NME7: variants seen among roughly 807,000 people sequenced by gnomAD.
The protein encoded by NME7 is nucleoside diphosphate kinase 7.
A neutral mutation model predicts 49.1 loss-of-function variants in NME7; 41 were observed. The ratio of observed to expected loss-of-function variants is 0.83; its 90% CI spans 0.65 to 1.08. NME7 has a LOEUF of 1.08. Ranked by LOEUF, NME7 falls within the 50% of genes least tolerant of loss-of-function variation. The pLI, the probability that NME7 is intolerant of heterozygous loss-of-function variation, is 0.00. For synonymous variants in NME7, 139 were observed against 150.6 expected (o/e 0.92, Z 0.56); for missense variants, 423 against 463.4 (o/e 0.91, Z 0.80).
chr1:169,165,729 G>A (rs1443491576), intron 11 of NME7, among the ~76,000 whole-genome samples: 2 of 152,144 alleles, frequency 1.3e-5, no homozygotes, highest in African/African-American at 4.8e-5. Context: ...TGGCCTTTAT[G>A]TATTTTCATA....
At chr1:169,354,305 G>A (rs1178484226) in intron 1 of NME7, among the ~76,000 whole-genome samples, 2 of 152,000 alleles carry the variant, frequency 1.3e-5, no homozygotes, top group African/African-American at 2.4e-5. Flanking sequence ...AACATTGCAC[G>A]TTCTCCCTTA....
At chr1:169,253,664 G>A (rs1043843727) in intron 7 of NME7, among the ~76,000 whole-genome samples, 37 of 152,180 alleles carry the variant, frequency 2.4e-4, no homozygotes, top group Non-Finnish European at 4.7e-4. Flanking sequence ...AATGCTTCTA[G>A]TTTTTGCCCA....
At chr1:169,352,796 T>A (rs1289093609) in intron 1 of NME7, among the ~76,000 whole-genome samples, 1 of 152,030 alleles carries the variant, frequency 6.6e-6, no homozygotes, top group Admixed American at 6.6e-5. Flanking sequence ...TTTTTTAAGT[T>A]ATCCTATTTA....
chr1:169,271,661 A>G lies in NME7; in HGVS notation c.754+15642T>C, dbSNP rs1023411019. Among the ~76,000 whole-genome samples the G allele has an allele frequency of 3.7e-5, 5 of 133,724 alleles. 2 individuals are homozygous for G. The highest frequency in any genetic ancestry group is 1.3e-4 in the African/African-American group (5 of 39,504). 87.7% of individuals were successfully genotyped at this position (133,724 alleles called of 152,430 possible). A position where few individuals can be genotyped will look rare whatever the true frequency, so the allele number is the denominator to read the frequency against. ...CTTAGCTTTGCTTCATCAACAGGATATTCTGGCCTTTTTTTGGGAAGTCAG... is the reference window on the plus strand; with the variant it reads ...CTTAGCTTTGCTTCATCAACAGGATGTTCTGGCCTTTTTTTGGGAAGTCAG... On this transcript the variant is annotated intron_variant, in intron 7 of 11. Transcript: ENST00000367811.
At chr1:169,253,995 G>T (rs1571329620) in intron 7 of NME7, among the ~76,000 whole-genome samples, 1 of 151,428 alleles carries the variant, frequency 6.6e-6, no homozygotes, top group African/African-American at 2.4e-5. Context: ...TTGCATCAAT[G>T]TTCATCAACG....
rs199987751 is a variant in NME7 at position 169,287,427 on chromosome 1, G to A, written c.649-19C>T. The A allele has an allele frequency of 2.6e-6, 4 of 1,526,110 alleles. No homozygotes were observed. The highest frequency in any genetic ancestry group is 2.7e-6 in the Non-Finnish European group (3 of 1,124,656). 94.5% of individuals were successfully genotyped at this position (1,526,110 alleles called of 1,614,324 possible). A position where few individuals can be genotyped will look rare whatever the true frequency, so the allele number is the denominator to read the frequency against. Reference sequence around the variant, plus strand: ...CCATTTCCTAAAGACAGAGAGAAATGATTTTGACAAATGTGATCTCTTATC... The same window carrying A: ...CCATTTCCTAAAGACAGAGAGAAATAATTTTGACAAATGTGATCTCTTATC... On this transcript the variant is annotated intron_variant, in intron 6 of 11. Coordinates refer to ENST00000367811, the MANE Select transcript of NME7 (RefSeq NM_013330.5).
intron 1 of NME7, among the ~76,000 whole-genome samples, chr1:169,342,972 C>A (rs1313979223): frequency 1.7e-5 from 1 of 60,124 alleles, no homozygotes; most frequent in Non-Finnish European, 4.4e-5. Context: ...TATATATATA[C>A]AAGTACATAT....
At chr1:169,351,486 A>T (rs1653170907) in intron 1 of NME7, among the ~76,000 whole-genome samples, 1 of 152,054 alleles carries the variant, frequency 6.6e-6, no homozygotes, top group Admixed American at 6.6e-5. Flanking sequence ...AGAGAGAAAA[A>T]CTTCAAATAA....
intron 9 of NME7, among the ~76,000 whole-genome samples, chr1:169,232,935 T>G (rs867265814): frequency 3.1e-3 from 450 of 145,798 alleles, no homozygotes; most frequent in Middle Eastern, 0.017. Context: ...TTTTTTTTTT[T>G]TTGAGACAGA....
At chr1:169,171,476 G>T (rs1259336300) in intron 10 of NME7, among the ~76,000 whole-genome samples, 1 of 152,186 alleles carries the variant, frequency 6.6e-6, no homozygotes, top group Non-Finnish European at 1.5e-5. Context: ...AGGTTCATGT[G>T]TGTTGGCCTA....
At chr1:169,297,294 AAC>A (rs1193209093) in intron 6 of NME7, among the ~76,000 whole-genome samples, 1 of 152,166 alleles carries the variant, frequency 6.6e-6, no homozygotes, top group Non-Finnish European at 1.5e-5. Flanking sequence ...TTCTTAATGC[AAC>A]AGCCAGAATG....
intron 3 of NME7, among the ~76,000 whole-genome samples, chr1:169,312,065 A>G (rs368482868): frequency 6.6e-6 from 1 of 152,258 alleles, no homozygotes; most frequent in East Asian, 1.9e-4. Flanking sequence ...CTGTAACTGC[A>G]TAACAAACCA....
intron 10 of NME7, among the ~76,000 whole-genome samples, chr1:169,214,822 C>G (rs554438009): frequency 1.3e-5 from 2 of 152,358 alleles, no homozygotes; most frequent in Admixed American, 1.3e-4. Flanking sequence ...TGGCAGCATC[C>G]AAGTGGGGGT....
chr1:169,244,926 CA>C (rs1223507193), intron 7 of NME7, among the ~76,000 whole-genome samples: 1 of 152,042 alleles, frequency 6.6e-6, no homozygotes, highest in Non-Finnish European at 1.5e-5. Context: ...GTCCTGAGTT[CA>C]AGCCCAGCCT....
intron 6 of NME7, among the ~76,000 whole-genome samples, chr1:169,291,686 A>T (rs1450063640): frequency 6.6e-6 from 1 of 151,974 alleles, no homozygotes; most frequent in Non-Finnish European, 1.5e-5. Flanking sequence ...AAATAGACAC[A>T]GCCACTTCAA....
At chr1:169,191,695 GA>G (rs1304691597) in intron 10 of NME7, among the ~76,000 whole-genome samples, 4 of 151,954 alleles carry the variant, frequency 2.6e-5, no homozygotes, top group African/African-American at 9.6e-5. Context: ...GGAGAAATCA[GA>G]AAAAAAGATA....
At chr1:169,337,767 A>G (rs1236335278) in intron 1 of NME7, among the ~76,000 whole-genome samples, 2 of 152,244 alleles carry the variant, frequency 1.3e-5, no homozygotes, top group African/African-American at 2.4e-5. Flanking sequence ...AAAGGTTTAT[A>G]TTATCCCATT....
chr1:169,202,311 G>GCGAT (rs964180396), intron 10 of NME7, among the ~76,000 whole-genome samples: 2 of 152,092 alleles, frequency 1.3e-5, no homozygotes, highest in Admixed American at 1.3e-4. Flanking sequence ...GAGTTCAAAG[G>GCGAT]CGATCTGGTG....
At chr1:169,336,572 G>A (rs996271660) in intron 1 of NME7, among the ~76,000 whole-genome samples, 2 of 152,182 alleles carry the variant, frequency 1.3e-5, no homozygotes, top group East Asian at 1.9e-4. Context: ...ACAGAGTGTC[G>A]ATTGGTGCAT....
Sources: gnomAD v4.1 joint callset for allele counts (sites outside exome capture counted in the v4.1 genomes callset) on GRCh38, gnomAD v4.1.1 for gene constraint, MANE v1.5 for transcripts, NCBI Gene and HGNC (gene_info 2026-07-23, HGNC 2026-07-21) for gene names.